STAC: variants seen among roughly 807,000 people sequenced by gnomAD.
STAC encodes the protein SH3 and cysteine rich domain.
Under a neutral mutation model 48.8 loss-of-function variants are expected in STAC, and 43 were observed. The observed-to-expected ratio is 0.88, with a 90% CI of 0.69 to 1.14. The LOEUF (loss-of-function observed/expected upper bound fraction) is 1.14. STAC is among the 50% of genes most tolerant of loss of function. The pLI, the probability that STAC is intolerant of heterozygous loss-of-function variation, is 0.00. For synonymous variants in STAC, 193 were observed against 179.5 expected (o/e 1.07, Z -0.60); for missense variants, 497 against 504.0 (o/e 0.99, Z 0.13).
At chr3:36,474,893 T>C (rs115658024) in intron 2 of STAC, among the ~76,000 whole-genome samples, 5,112 of 152,272 alleles carry the variant, frequency 0.034, 111 homozygotes, top group Middle Eastern at 0.065. Flanking sequence ...TTTAATCCCT[T>C]CCTACCTTTT....
At chr3:36,418,527 T>C (rs1700370203) in intron 1 of STAC, among the ~76,000 whole-genome samples, 1 of 152,096 alleles carries the variant, frequency 6.6e-6, no homozygotes, top group African/African-American at 2.4e-5. Flanking sequence ...AATTCCTTTG[T>C]GGTTTCTCAT....
chr3:36,444,288 G>A (rs1361781898), intron 2 of STAC, among the ~76,000 whole-genome samples: 1 of 152,148 alleles, frequency 6.6e-6, no homozygotes, highest in Non-Finnish European at 1.5e-5. Context: ...ATCGGTCAAA[G>A]ATTTCCACCA....
chr3:36,474,136 T>C (rs1413569929), intron 2 of STAC, among the ~76,000 whole-genome samples: 1 of 152,178 alleles, frequency 6.6e-6, no homozygotes, highest in African/African-American at 2.4e-5. Flanking sequence ...CTATTATGGG[T>C]ACCCACATCC....
At chr3:36,429,355 C>A (rs1235012867) in intron 1 of STAC, among the ~76,000 whole-genome samples, 2 of 152,278 alleles carry the variant, frequency 1.3e-5, no homozygotes, top group East Asian at 3.9e-4. Flanking sequence ...CCTTGTGCTG[C>A]CCCAGAGAAC....
intron 1 of STAC, among the ~76,000 whole-genome samples, chr3:36,382,145 A>G (rs985675902): frequency 2.6e-5 from 4 of 152,228 alleles, no homozygotes; most frequent in Non-Finnish European, 5.9e-5. Flanking sequence ...ACCTCTCCTC[A>G]GTCAAAAAGT....
In STAC at chr3:36,528,942, T is replaced by C. The variant is rs368298937; in HGVS notation, c.1067T>C (p.Ile356Thr). The C allele has an allele frequency of 2.4e-5, 38 of 1,613,430 alleles. No homozygotes were observed. Among genetic ancestry groups the C allele is most frequent in the East Asian group, 1.3e-4 (6 of 44,782 alleles). ...EKIFRCVRTF[I>T]GCKEQGQITL... ...ATTTTTAGATGTGTTAGAACCTTCA[T>C]TGGGTGTAAGGAACAGGGGCAGATA... The change falls in exon 10 of 11, where the codon ATT becomes ACT. Residue 356 changes from isoleucine to threonine, a missense_variant. Ile to Thr is a moderately conservative substitution (Grantham distance 89, BLOSUM62 -1). Coordinates refer to ENST00000273183, the MANE Select transcript of STAC (RefSeq NM_003149.3).
chr3:36,501,937 G>T (rs1698292506), intron 6 of STAC, among the ~76,000 whole-genome samples: 1 of 152,120 alleles, frequency 6.6e-6, no homozygotes, highest in African/African-American at 2.4e-5. Context: ...AACCCATAAA[G>T]TATTTTTAAA....
chr3:36,531,422 T>G (rs1237570989), intron 10 of STAC, among the ~76,000 whole-genome samples: 1 of 152,140 alleles, frequency 6.6e-6, no homozygotes, highest in East Asian at 1.9e-4. Context: ...TATGATAATA[T>G]TATGGAATTG....
At chr3:36,540,096 A>G (rs1231327693) in intron 10 of STAC, among the ~76,000 whole-genome samples, 1 of 152,058 alleles carries the variant, frequency 6.6e-6, no homozygotes, top group Non-Finnish European at 1.5e-5. Context: ...TCAGAGAGAG[A>G]GAGAGATTTG....
At chr3:36,471,158 A>G (rs1195046839) in intron 2 of STAC, among the ~76,000 whole-genome samples, 10 of 152,186 alleles carry the variant, frequency 6.6e-5, no homozygotes, top group Non-Finnish European at 1.5e-4. Context: ...GGCAAAAGGC[A>G]CTTCTTACAT....
intron 10 of STAC, among the ~76,000 whole-genome samples, chr3:36,539,695 T>A (rs1290052661): frequency 3.3e-5 from 5 of 152,186 alleles, no homozygotes; most frequent in Non-Finnish European, 7.3e-5. Flanking sequence ...TTGCATCATC[T>A]CTTTACCTCG....
At chr3:36,442,805 G>A (rs535936499) in intron 1 of STAC, among the ~76,000 whole-genome samples, 106 of 138,494 alleles carry the variant, frequency 7.7e-4, no homozygotes, top group African/African-American at 1.6e-4. Flanking sequence ...CACACACAGA[G>A]GTTACTTATC....
At chr3:36,524,654 G>A (rs181115203) in intron 8 of STAC, among the ~76,000 whole-genome samples, 250 of 152,212 alleles carry the variant, frequency 1.6e-3, no homozygotes, top group African/African-American at 5.7e-3. Flanking sequence ...GTTACACAGA[G>A]TGGTTTCATC....
At chr3:36,540,911 TA>T (rs1485713146) in intron 10 of STAC, among the ~76,000 whole-genome samples, 1 of 152,182 alleles carries the variant, frequency 6.6e-6, no homozygotes, top group African/African-American at 2.4e-5. Context: ...AGCAAATGAA[TA>T]AACATCTCAA....
intron 5 of STAC, among the ~76,000 whole-genome samples, chr3:36,490,630 C>T (rs907531124): frequency 2.6e-5 from 4 of 152,032 alleles, no homozygotes; most frequent in Non-Finnish European, 5.9e-5. Context: ...TCTATCTGCA[C>T]GAGCAGTAGA....
chr3:36,427,929 T>G (rs1700605931), intron 1 of STAC, among the ~76,000 whole-genome samples: 1 of 152,182 alleles, frequency 6.6e-6, no homozygotes. Flanking sequence ...AAGCCCACAC[T>G]GAGGAACATT....
At chr3:36,456,370 G>A (rs1320175907) in intron 2 of STAC, among the ~76,000 whole-genome samples, 2 of 152,000 alleles carry the variant, frequency 1.3e-5, no homozygotes, top group African/African-American at 2.4e-5. Flanking sequence ...TTCCTTCTGA[G>A]TATCTATTTT....
intron 6 of STAC, among the ~76,000 whole-genome samples, chr3:36,498,631 T>C (rs1318160363): frequency 6.6e-6 from 1 of 152,120 alleles, no homozygotes; most frequent in Non-Finnish European, 1.5e-5. Flanking sequence ...TGCCTGTCTG[T>C]AATCCCAGCT....
In STAC at chr3:36,486,275, T is replaced by C. The variant is rs577820930; in HGVS notation, c.687+26T>C. 4.8e-5 allele frequency: 77 copies of C among 1,601,916 alleles called. 1 individual carries two copies. The South Asian group carries it at 7.9e-4, about 16-fold the overall frequency. ...GTAATTATCCTCTTCCTTCCTCGGTTTGTCTGTGGTGGTCTTGGGCAGAGC... is the reference window on the plus strand; with the variant it reads ...GTAATTATCCTCTTCCTTCCTCGGTCTGTCTGTGGTGGTCTTGGGCAGAGC... On this transcript the variant is annotated intron_variant, in intron 5 of 10. Coordinates refer to ENST00000273183, the MANE Select transcript of STAC (RefSeq NM_003149.3).
Sources: gnomAD v4.1 joint callset for allele counts (sites outside exome capture counted in the v4.1 genomes callset) on GRCh38, gnomAD v4.1.1 for gene constraint, MANE v1.5 for transcripts, NCBI Gene and HGNC (gene_info 2026-07-23, HGNC 2026-07-21) for gene names.